Variants in DGKB observed in about 807,000 individuals in gnomAD.
DGKB encodes the protein 90 kDa diacylglycerol kinase.
A neutral mutation model predicts 114.3 loss-of-function variants in DGKB; 67 were observed. The ratio of observed to expected loss-of-function variants is 0.59; its 90% CI spans 0.48 to 0.72. The LOEUF is 0.72. DGKB is among the 30% of genes least tolerant of loss of function. The pLI is 0.00. For synonymous variants in DGKB, 398 were observed against 323.1 expected (o/e 1.23, Z -2.49); for missense variants, 907 against 975.2 (o/e 0.93, Z 0.93).
intron 1 of DGKB, among the ~76,000 whole-genome samples, chr7:14,973,909 T>G (rs1787644030): frequency 6.7e-6 from 1 of 148,662 alleles, no homozygotes; most frequent in Non-Finnish European, 1.5e-5. Flanking sequence ...AAAATAAATT[T>G]AAAACATATA....
At chr7:14,855,826 CAT>C (rs1850063823) in intron 1 of DGKB, among the ~76,000 whole-genome samples, 1 of 152,006 alleles carries the variant, frequency 6.6e-6, no homozygotes, top group Admixed American at 6.6e-5. Flanking sequence ...AAGAGCAACT[CAT>C]ATATATCTTT....
At chr7:14,913,877 A>G (rs1477248739) in intron 1 of DGKB, among the ~76,000 whole-genome samples, 1 of 152,168 alleles carries the variant, frequency 6.6e-6, no homozygotes, top group Non-Finnish European at 1.5e-5. Context: ...TGGAGTTCAC[A>G]GAGTAAACTA....
At chr7:14,418,921 A>G (rs966188023) in intron 21 of DGKB, among the ~76,000 whole-genome samples, 10 of 151,890 alleles carry the variant, frequency 6.6e-5, no homozygotes. Flanking sequence ...GAAATCAGGA[A>G]ATAAGGTTGC....
At chr7:14,680,204 C>T (rs1004380993) in intron 12 of DGKB, among the ~76,000 whole-genome samples, 2 of 151,700 alleles carry the variant, frequency 1.3e-5, no homozygotes, top group African/African-American at 4.8e-5. Context: ...CTAAATAGAG[C>T]TTTGAGATTG....
intron 23 of DGKB, among the ~76,000 whole-genome samples, chr7:14,284,453 T>C (rs371565056): frequency 1.5e-4 from 22 of 145,372 alleles, no homozygotes; most frequent in African/African-American, 5.7e-4. Context: ...GTCAGTGTGG[T>C]GATTCCTCAG....
intron 21 of DGKB, among the ~76,000 whole-genome samples, chr7:14,358,490 A>G (rs1209447441): frequency 6.6e-6 from 1 of 152,082 alleles, no homozygotes; most frequent in South Asian, 2.1e-4. Flanking sequence ...GCCATATTCA[A>G]TAAGGAAAAT....
At chr7:14,487,509 T>C (rs1480051747) in intron 20 of DGKB, among the ~76,000 whole-genome samples, 2 of 152,078 alleles carry the variant, frequency 1.3e-5, no homozygotes, top group Non-Finnish European at 2.9e-5. Context: ...TTGTAACTAT[T>C]TCTAAATATT....
intron 2 of DGKB, among the ~76,000 whole-genome samples, chr7:14,805,627 C>T (rs1261221354): frequency 6.6e-6 from 1 of 151,826 alleles, no homozygotes; most frequent in Non-Finnish European, 1.5e-5. Flanking sequence ...TTATTCCTCC[C>T]AATTTTTAGT....
intron 23 of DGKB, among the ~76,000 whole-genome samples, chr7:14,245,037 T>A (rs1794267131): frequency 6.6e-6 from 1 of 152,110 alleles, no homozygotes; most frequent in Non-Finnish European, 1.5e-5. Flanking sequence ...GGGAGAGTCA[T>A]GTATGCAGTA....
At position 14,574,460 on chromosome 7, in the gene DGKB, T is replaced by TA; in HGVS notation, c.1610-89dup. ...ATGTTTCAGTGTGCTTATGCATATG[T>TA]AATATTCTAAAGGTAAATAATGATT... On this transcript the variant is annotated intron_variant, in intron 19 of 25. Transcript: ENST00000402815. 5 of 1,058,472 alleles carry TA rather than the reference T, an allele frequency of 4.7e-6. No homozygotes were observed. In the South Asian group the frequency reaches 7.8e-5, roughly 17 times the overall value. The allele number at this position is 1,058,472 out of a possible 1,614,324, so 65.6% of individuals were successfully genotyped here. A position where few individuals can be genotyped will look rare whatever the true frequency, so the allele number is the denominator to read the frequency against.
At chr7:14,471,485 A>T (rs532059212) in intron 21 of DGKB, among the ~76,000 whole-genome samples, 1 of 149,124 alleles carries the variant, frequency 6.7e-6, no homozygotes, top group East Asian at 2.1e-4. Context: ...AATAATTTGA[A>T]AATTGTATAC....
At chr7:14,438,341 C>A (rs1219090477) in intron 21 of DGKB, among the ~76,000 whole-genome samples, 1 of 152,076 alleles carries the variant, frequency 6.6e-6, no homozygotes, top group Non-Finnish European at 1.5e-5. Context: ...AACAGTGCTA[C>A]CAAGCACGTC....
chr7:14,745,249 C>A lies in DGKB; in HGVS notation c.168+8679G>T, dbSNP rs138855859. Reference sequence around the variant, plus strand: ...GGCCATCAAACTCCAAGCGATCATGCAACCAGAGTCTCAAACAATGGCCCC... The same window carrying A: ...GGCCATCAAACTCCAAGCGATCATGAAACCAGAGTCTCAAACAATGGCCCC... On this transcript the variant is annotated intron_variant, in intron 4 of 25. Transcript: ENST00000402815. Among the ~76,000 whole-genome samples the A allele has an allele frequency of 6.6e-4, 101 of 152,340 alleles. 1 individual carries two copies. In the East Asian group the frequency reaches 0.019, roughly 28 times the overall value.
At chr7:14,819,968 C>T (rs1844684240) in intron 2 of DGKB, among the ~76,000 whole-genome samples, 1 of 152,132 alleles carries the variant, frequency 6.6e-6, no homozygotes, top group African/African-American at 2.4e-5. Context: ...CCCTCCGCCC[C>T]AGCAAACACA....
intron 21 of DGKB, among the ~76,000 whole-genome samples, chr7:14,385,964 G>A (rs1820274647): frequency 1.3e-5 from 2 of 152,194 alleles, no homozygotes; most frequent in South Asian, 4.1e-4. Context: ...TCAAACGGAA[G>A]AAAATGCTAA....
chr7:14,148,958 G>A lies in DGKB; in HGVS notation c.*173C>T. 1 of 618,348 alleles carries A rather than the reference G, an allele frequency of 1.6e-6. No homozygotes were observed. 38.3% of individuals were successfully genotyped at this position (618,348 alleles called of 1,614,324 possible). A position where few individuals can be genotyped will look rare whatever the true frequency, so the allele number is the denominator to read the frequency against. On this transcript the variant is annotated 3_prime_UTR_variant, in exon 26 of 26. Transcript: ENST00000402815. ...ATGCAAAGATGCCTATAAAAACTGAGACAATAAATTTTCTAATAGCTGAAT... is the reference window on the plus strand; with the variant it reads ...ATGCAAAGATGCCTATAAAAACTGAAACAATAAATTTTCTAATAGCTGAAT...
chr7:14,550,196 T>G (rs1205184150), intron 20 of DGKB, among the ~76,000 whole-genome samples: 1 of 152,180 alleles, frequency 6.6e-6, no homozygotes, highest in African/African-American at 2.4e-5. Context: ...ATATTCAATT[T>G]GCTGCTTAAC....
intron 23 of DGKB, among the ~76,000 whole-genome samples, chr7:14,302,132 T>C (rs567308838): frequency 6.6e-6 from 1 of 152,244 alleles, no homozygotes; most frequent in Non-Finnish European, 1.5e-5. Flanking sequence ...AAAGAATAGA[T>C]ACTAAGTTAT....
At chr7:14,868,705 A>G (rs1048299423) in intron 1 of DGKB, among the ~76,000 whole-genome samples, 4 of 152,064 alleles carry the variant, frequency 2.6e-5, no homozygotes, top group Admixed American at 6.5e-5. Flanking sequence ...AATTTCTCCA[A>G]TTTTCCACTT....
Sources: allele counts gnomAD v4.1 joint callset (sites outside exome capture counted in the v4.1 genomes callset), GRCh38; gene constraint gnomAD v4.1.1; transcripts MANE v1.5; gene names NCBI Gene and HGNC (gene_info 2026-07-23, HGNC 2026-07-21).